The following ANTXR2 variants were observed in gnomAD, a reference collection of about 807,000 sequenced individuals.
The protein encoded by ANTXR2 is ANTXR cell adhesion molecule 2.
In ANTXR2, 44 loss-of-function variants were observed where a neutral mutation model predicts 73.7. The observed-to-expected ratio is 0.60, with a 90% CI of 0.47 to 0.77. ANTXR2 has a LOEUF of 0.77. Among genes scored for constraint, ANTXR2 ranks in the 30% least tolerant of loss-of-function variants. The pLI, the probability that ANTXR2 is intolerant of heterozygous loss-of-function variation, is 0.00. For synonymous variants in ANTXR2, 217 were observed against 205.9 expected (o/e 1.05, Z -0.46); for missense variants, 604 against 592.5 (o/e 1.02, Z -0.20).
At chr4:79,922,156 A>T (rs1727617055) in intron 16 of ANTXR2, among the ~76,000 whole-genome samples, 1 of 152,068 alleles carries the variant, frequency 6.6e-6, no homozygotes, top group South Asian at 2.1e-4. Context: ...TTGAAATTCT[A>T]TAGGCTAAAA....
chr4:79,916,908 T>C (rs1399426219), intron 16 of ANTXR2, among the ~76,000 whole-genome samples: 1 of 152,042 alleles, frequency 6.6e-6, no homozygotes, highest in Non-Finnish European at 1.5e-5. Flanking sequence ...AATAATTCGT[T>C]TGAAAATAAA....
chr4:79,963,020 G>A (rs552012360), intron 16 of ANTXR2, among the ~76,000 whole-genome samples: 1 of 152,236 alleles, frequency 6.6e-6, no homozygotes, highest in South Asian at 2.1e-4. Flanking sequence ...CTTCGCAACT[G>A]TGATGGGAAC....
At chr4:80,021,330 GT>G (rs956047975) in intron 10 of ANTXR2, among the ~76,000 whole-genome samples, 2 of 151,722 alleles carry the variant, frequency 1.3e-5, no homozygotes, top group East Asian at 1.9e-4. Context: ...GCCTTGTTTT[GT>G]TTTTTTAATG....
Position 80,055,232 on chromosome 4 carries a change from G to C in ANTXR2, c.487-14C>G. 6.4e-7 allele frequency: 1 copy of C among 1,563,460 alleles called. No homozygotes were observed. The highest frequency in any genetic ancestry group is 8.7e-7 in the Non-Finnish European group (1 of 1,151,470). ...GGATATCTTTGCCTATGGAGAATGA[G>C]GAGGGAAAGAGAGAAAAAAAGAGAG... On this transcript the variant is annotated splice_polypyrimidine_tract_variant and intron_variant, in intron 5 of 16. Transcript: ENST00000403729.
chr4:80,020,307 G>C (rs1363538661), intron 10 of ANTXR2, among the ~76,000 whole-genome samples: 6 of 151,998 alleles, frequency 3.9e-5, no homozygotes, highest in Non-Finnish European at 1.5e-5. Flanking sequence ...GATCGCTTGA[G>C]CCTGGGAGGT....
intron 16 of ANTXR2, among the ~76,000 whole-genome samples, chr4:79,915,862 C>CTCTCTATATATATATATA (rs377006532): frequency 7.3e-5 from 9 of 123,884 alleles, no homozygotes; most frequent in African/African-American, 1.8e-4. Context: ...CTCTCTCTCT[C>CTCTCTATATATATATATA]TATATATATA....
chr4:79,966,685 T>C (rs1729378075), intron 16 of ANTXR2, among the ~76,000 whole-genome samples: 1 of 152,190 alleles, frequency 6.6e-6, no homozygotes, highest in Non-Finnish European at 1.5e-5. Flanking sequence ...ATACAGATTA[T>C]ATCACTGCCC....
intron 10 of ANTXR2, among the ~76,000 whole-genome samples, chr4:80,023,835 G>A (rs923242426): frequency 2.6e-5 from 4 of 152,182 alleles, no homozygotes; most frequent in Non-Finnish European, 4.4e-5. Context: ...AATGGCTCCA[G>A]GTTGAAAAGG....
chr4:79,935,091 A>C (rs1214812751), intron 16 of ANTXR2, among the ~76,000 whole-genome samples: 1 of 144,842 alleles, frequency 6.9e-6, no homozygotes, highest in African/African-American at 2.5e-5. Context: ...CTTAAAGTAT[A>C]AAAAAAAAAA....
intron 8 of ANTXR2, 76 bp downstream of exon 8, chr4:80,035,896 G>A: frequency 8.2e-7 from 1 of 1,216,424 alleles, no homozygotes; most frequent in South Asian, 1.5e-5. Flanking sequence ...TTTCCAACAT[G>A]AGTTTCATAT....
rs1190532427 is a variant in ANTXR2 at position 80,069,479 on chromosome 4, A to G, written c.253T>C (p.Phe85Leu). The G allele has an allele frequency of 6.2e-7, 1 of 1,605,470 alleles. No homozygotes were observed. ...SPEMRLSFIV[F>L]SSQATIILPL... is the part of the protein sequence containing the mutation. ...AAAATAATAGTTGCTTGAGAAGAAA[A>G]CACAATGAAAGATAATCTCATTTCA... The change falls in exon 3 of 17, where the codon TTT becomes CTT. Residue 85 changes from phenylalanine to leucine, a missense_variant. Phe to Leu is a conservative substitution (Grantham distance 22). Transcript: ENST00000403729.
chr4:80,026,532 A>G (rs1732452834), intron 10 of ANTXR2, among the ~76,000 whole-genome samples: 1 of 137,554 alleles, frequency 7.3e-6, no homozygotes, highest in Non-Finnish European at 1.7e-5. Context: ...ACCTATTTCA[A>G]GAATATTCTC....
intron 9 of ANTXR2, 134 bp from the exon 10 acceptor site, chr4:80,031,826 GAA>G (rs1025711048): frequency 9.0e-6 from 4 of 442,200 alleles, no homozygotes; most frequent in Non-Finnish European, 1.6e-5. Flanking sequence ...AAAAACTAAA[GAA>G]AGAGAAGTGA....
At chr4:79,961,890 ATATT>A (rs1281848433) in intron 16 of ANTXR2, among the ~76,000 whole-genome samples, 2 of 152,138 alleles carry the variant, frequency 1.3e-5, no homozygotes, top group Non-Finnish European at 2.9e-5. Flanking sequence ...CTCAAGATAA[ATATT>A]TATCTAAACT....
intron 12 of ANTXR2, among the ~76,000 whole-genome samples, chr4:79,995,057 C>A (rs1730658781): frequency 6.6e-6 from 1 of 151,952 alleles, no homozygotes; most frequent in Non-Finnish European, 1.5e-5. Flanking sequence ...CAGAGTAGCC[C>A]ACCAACTCCC....
chr4:79,978,277 A>C (rs1036735582), intron 14 of ANTXR2, 103 bp from the exon 15 acceptor site: 8 of 1,123,934 alleles, frequency 7.1e-6, no homozygotes, highest in Admixed American at 3.2e-5. Flanking sequence ...AGAGTGAAAA[A>C]GAAGATGAGC....
At chr4:80,004,668 C>A (rs1442413932) in intron 12 of ANTXR2, among the ~76,000 whole-genome samples, 1 of 152,094 alleles carries the variant, frequency 6.6e-6, no homozygotes, top group Non-Finnish European at 1.5e-5. Flanking sequence ...GCATTTATGA[C>A]CCATCTAGAT....
intron 12 of ANTXR2, among the ~76,000 whole-genome samples, chr4:80,004,012 T>G (rs1474495452): frequency 6.6e-6 from 1 of 152,044 alleles, no homozygotes; most frequent in Non-Finnish European, 1.5e-5. Flanking sequence ...AACCTAAATG[T>G]TTTTCAACAG....
intron 16 of ANTXR2, among the ~76,000 whole-genome samples, chr4:79,949,767 G>A (rs1728640010): frequency 2.0e-5 from 3 of 152,080 alleles, no homozygotes; most frequent in African/African-American, 4.8e-5. Flanking sequence ...TAGAAGGTAT[G>A]GAATAAATTT....
Sources: allele counts gnomAD v4.1 joint callset (sites outside exome capture counted in the v4.1 genomes callset), GRCh38; gene constraint gnomAD v4.1.1; transcripts MANE v1.5; gene names NCBI Gene and HGNC (gene_info 2026-07-23, HGNC 2026-07-21).